Variants in ASIC2 observed in about 807,000 individuals in gnomAD.
The protein encoded by ASIC2 is acid-sensing ion channel 2.
A neutral mutation model predicts 57.3 loss-of-function variants in ASIC2; 25 were observed. That is an observed-to-expected ratio of 0.44 (90% confidence interval 0.32 to 0.61). The LOEUF (loss-of-function observed/expected upper bound fraction) is 0.61, where lower values mean the gene tolerates loss of function less well. Among genes scored for constraint, ASIC2 ranks in the 20% least tolerant of loss-of-function variants. The pLI, the probability that ASIC2 is intolerant of heterozygous loss-of-function variation, is 0.06. For missense variants in ASIC2, 641 were observed against 738.1 expected, an observed-to-expected ratio of 0.87 and a Z score of 1.52; for synonymous variants, 319 against 307.5, an observed-to-expected ratio of 1.04 and a Z score of -0.39.
intron 1 of ASIC2, among the ~76,000 whole-genome samples, chr17:33,772,243 C>T (rs1316695280): frequency 1.3e-5 from 2 of 152,126 alleles, no homozygotes; most frequent in Non-Finnish European, 2.9e-5. Flanking sequence ...TCCTGTCCCA[C>T]ATCCAGAGGA....
In ASIC2 at chr17:33,082,553, G is replaced by T. The variant is rs545779689; in HGVS notation, c.987+6310C>A. On this transcript the variant is annotated intron_variant, in intron 3 of 9. Coordinates refer to ENST00000225823, the MANE Select transcript of ASIC2 (RefSeq NM_183377.2). ...GTCTCTACTAAAAATACAAAAATTA[G>T]CCAGGCATGGTGGCACAAGCCTGTA... Among the ~76,000 whole-genome samples, 7 of 152,124 alleles carry T rather than the reference G, an allele frequency of 4.6e-5. No individual in the cohort carries two copies. The East Asian group carries it at 1.2e-3, about 25-fold the overall frequency.
chr17:33,805,129 G>C (rs1291349888), intron 1 of ASIC2, among the ~76,000 whole-genome samples: 1 of 152,030 alleles, frequency 6.6e-6, no homozygotes, highest in Non-Finnish European at 1.5e-5. Context: ...CTCTTGCTGT[G>C]GTCTGATGCT....
intron 1 of ASIC2, among the ~76,000 whole-genome samples, chr17:34,126,787 T>G (rs1355578346): frequency 6.6e-6 from 1 of 152,168 alleles, no homozygotes; most frequent in Non-Finnish European, 1.5e-5. Flanking sequence ...CCTGGGGACC[T>G]TGTTAAGCTG....
chr17:33,799,493 T>C (rs904352678), intron 1 of ASIC2, among the ~76,000 whole-genome samples: 3 of 146,304 alleles, frequency 2.1e-5, no homozygotes, highest in Non-Finnish European at 3.0e-5. Flanking sequence ...TTTCTTTCTT[T>C]CTTACTTTCT....
intron 1 of ASIC2, among the ~76,000 whole-genome samples, chr17:33,421,096 A>G (rs1911029105): frequency 6.6e-6 from 1 of 152,148 alleles, no homozygotes; most frequent in Admixed American, 6.5e-5. Context: ...GAGAAGCAGG[A>G]GCCTTTCTCA....
intron 1 of ASIC2, among the ~76,000 whole-genome samples, chr17:33,684,331 G>A (rs3103652): frequency 6.6e-6 from 1 of 151,754 alleles, no homozygotes; most frequent in Non-Finnish European, 1.5e-5. Flanking sequence ...GTGGGGAGGG[G>A]GGTGCTCTTC....
At chr17:33,302,364 C>A (rs1295015918) in intron 1 of ASIC2, among the ~76,000 whole-genome samples, 2 of 152,208 alleles carry the variant, frequency 1.3e-5, no homozygotes, top group African/African-American at 4.8e-5. Flanking sequence ...TAGAATGAGG[C>A]ATTTTATTCA....
intron 1 of ASIC2, among the ~76,000 whole-genome samples, chr17:33,617,930 T>C (rs966008488): frequency 1.3e-5 from 2 of 152,242 alleles, no homozygotes; most frequent in African/African-American, 4.8e-5. Flanking sequence ...TGCAAAAGTA[T>C]GTGCTAAACT....
chr17:33,753,382 G>A (rs969709769), intron 1 of ASIC2, among the ~76,000 whole-genome samples: 1 of 152,184 alleles, frequency 6.6e-6, no homozygotes, highest in Non-Finnish European at 1.5e-5. Context: ...TGATACTGTA[G>A]TAGTGGACAC....
chr17:33,881,666 C>T (rs1469595790), intron 1 of ASIC2, among the ~76,000 whole-genome samples: 7 of 152,196 alleles, frequency 4.6e-5, no homozygotes, highest in South Asian at 4.2e-4. Flanking sequence ...GAATCAATAT[C>T]GTGAAAATGG....
chr17:34,060,723 G>T (rs1223657294), intron 1 of ASIC2, among the ~76,000 whole-genome samples: 2 of 152,042 alleles, frequency 1.3e-5, no homozygotes, highest in African/African-American at 4.8e-5. Context: ...CTCAACAATA[G>T]AATTTAACAA....
At chr17:33,836,751 G>A (rs1913285488) in intron 1 of ASIC2, among the ~76,000 whole-genome samples, 1 of 152,108 alleles carries the variant, frequency 6.6e-6, no homozygotes, top group South Asian at 2.1e-4. Flanking sequence ...TACTCAGGAG[G>A]CTGAGGCAGG....
chr17:33,955,515 A>G (rs892617328), intron 1 of ASIC2: 3 of 152,158 alleles, frequency 2.0e-5, no homozygotes, highest in African/African-American at 7.2e-5. Context: ...TCATCTTGGC[A>G]GGGGTAGTTC....
intron 1 of ASIC2, among the ~76,000 whole-genome samples, chr17:33,779,223 A>ATT (rs1330555238): frequency 1.3e-5 from 2 of 152,084 alleles, no homozygotes; most frequent in East Asian, 3.9e-4. Flanking sequence ...ACCTCTTAGA[A>ATT]TTCTGTTAAG....
intron 1 of ASIC2, among the ~76,000 whole-genome samples, chr17:33,631,852 T>C (rs1477480448): frequency 2.6e-5 from 4 of 152,122 alleles, no homozygotes; most frequent in Non-Finnish European, 5.9e-5. Flanking sequence ...TTGATCACCA[T>C]TTTCAAATAT....
At chr17:33,558,865 C>T (rs936354344) in intron 1 of ASIC2, among the ~76,000 whole-genome samples, 1 of 151,968 alleles carries the variant, frequency 6.6e-6, no homozygotes, top group African/African-American at 2.4e-5. Context: ...CTCCCAAATT[C>T]AAGCAATACT....
chr17:33,673,179 G>T (rs1274629863), intron 1 of ASIC2, among the ~76,000 whole-genome samples: 3 of 152,178 alleles, frequency 2.0e-5, no homozygotes, highest in Non-Finnish European at 4.4e-5. Context: ...GGCGGTGAAG[G>T]TTGAAGGGAG....
intron 1 of ASIC2, among the ~76,000 whole-genome samples, chr17:33,705,316 G>A (rs1030943447): frequency 9.2e-5 from 14 of 152,204 alleles, no homozygotes; most frequent in South Asian, 2.1e-4. Context: ...CTAATTTATC[G>A]TATGTAAATG....
In ASIC2 at chr17:33,628,385, T is replaced by A. The variant is rs1489856371; in HGVS notation, c.556-516318A>T. 2.0e-5 allele frequency among the ~76,000 whole-genome samples: 3 copies of A among 152,174 alleles called. No homozygotes were observed. In the East Asian group the frequency reaches 5.8e-4, roughly 29 times the overall value. Reference sequence around the variant, plus strand: ...TAGCTCATTGCAACCTCGACCTCCTTGGCTCAAGTGATCCTCCCTTCTCAG... The same window carrying A: ...TAGCTCATTGCAACCTCGACCTCCTAGGCTCAAGTGATCCTCCCTTCTCAG... On this transcript the variant is annotated intron_variant, in intron 1 of 9. Coordinates refer to the ASIC2 transcript ENST00000359872.
Sources: allele counts gnomAD v4.1 joint callset (sites outside exome capture counted in the v4.1 genomes callset), GRCh38; gene constraint gnomAD v4.1.1; transcripts MANE v1.5; gene names NCBI Gene and HGNC (gene_info 2026-07-23, HGNC 2026-07-21).